PPP6C: variants seen among roughly 807,000 people sequenced by gnomAD.
PPP6C encodes the protein serine/threonine-protein phosphatase 6 catalytic subunit.
PPP6C carries 11 observed loss-of-function variants against 39.8 expected under a neutral mutation model. That is an observed-to-expected ratio of 0.28 (90% CI 0.17 to 0.46). The LOEUF (loss-of-function observed/expected upper bound fraction) is 0.46. Ranked by LOEUF, PPP6C falls within the 20% of genes least tolerant of loss-of-function variation. The probability of loss-of-function intolerance (pLI) is 1.00; values close to 1 mark genes in which losing one functional copy is unlikely to be tolerated. For synonymous variants in PPP6C, 129 were observed against 130.3 expected, an observed-to-expected ratio of 0.99 and a Z score of 0.07; for missense variants, 211 against 373.9, an observed-to-expected ratio of 0.56 and a Z score of 3.59.
rs1438946794 is a variant in PPP6C, at chr9:125,147,445, G to A, written c.*2228C>T. On this transcript the variant is annotated 3_prime_UTR_variant, in exon 7 of 7. Coordinates refer to ENST00000373547, the MANE Select transcript of PPP6C (RefSeq NM_002721.5). ...TAGTACATAGCCCTTATTTATTGGA[G>A]GGATCCAAAATATTCCTTGTAGGCT... 3 of 152,076 alleles carry A rather than the reference G, an allele frequency of 2.0e-5. No individual in the cohort carries two copies. The highest frequency in any genetic ancestry group is 7.2e-5 in the African/African-American group (3 of 41,388). The allele number at this position is 152,076 out of a possible 1,614,324, so 9.4% of individuals were successfully genotyped here. A position where few individuals can be genotyped will look rare whatever the true frequency, so the allele number is the denominator to read the frequency against.
chr9:125,186,938 CTTTTTTTTTT>C (rs1168730026), intron 1 of PPP6C, among the ~76,000 whole-genome samples: 2 of 83,666 alleles, frequency 2.4e-5, no homozygotes, highest in African/African-American at 5.0e-5. Context: ...ATTTTTCTTT[CTTTTTTTTTT>C]TTTTTTTTTT....
Position 125,149,829 on chromosome 9 carries a change from T to C in PPP6C, c.762A>G (p.Thr254=). Residue 254 remains threonine (T), a synonymous_variant, in exon 7 of 7, where the codon ACA becomes ACG. Transcript: ENST00000373547. Reference sequence around the variant, plus strand: ...AGCAGTAATTAGGAGCAGACCATACTGTCACCAGCTTCTCATCAAACATAA... The same window carrying C: ...AGCAGTAATTAGGAGCAGACCATACCGTCACCAGCTTCTCATCAAACATAA... ...YKFMFDEKLV[T]VWSAPNYCYR... is the part of the protein sequence containing the mutation. 1 of 1,614,244 alleles carries C rather than the reference T, an allele frequency of 6.2e-7. No individual in the cohort carries two copies. Among genetic ancestry groups the C allele is most frequent in the Non-Finnish European group, 8.5e-7 (1 of 1,180,046 alleles).
intron 6 of PPP6C, chr9:125,151,041 A>C (rs1835925245): frequency 7.3e-7 from 1 of 1,371,468 alleles, no homozygotes; most frequent in African/African-American, 1.4e-5. Flanking sequence ...ATGCTTCTCA[A>C]ATTCAGGGCT....
intron 2 of PPP6C, among the ~76,000 whole-genome samples, chr9:125,162,019 G>A (rs1275331254): frequency 6.6e-6 from 1 of 150,574 alleles, no homozygotes; most frequent in Admixed American, 6.6e-5. Flanking sequence ...AACTGAAAGT[G>A]AGATGTTAAC....
chr9:125,168,319 A>G (rs1193628450), intron 2 of PPP6C, among the ~76,000 whole-genome samples: 1 of 152,188 alleles, frequency 6.6e-6, no homozygotes, highest in African/African-American at 2.4e-5. Context: ...TAACATGTTT[A>G]TTCATACTCA....
chr9:125,150,928 A>G, intron 6 of PPP6C: 1 of 1,068,564 alleles, frequency 9.4e-7, no homozygotes, highest in Non-Finnish European at 1.5e-6. Flanking sequence ...TGCTTCCCTT[A>G]TGCCCAGCAG....
chr9:125,173,497 G>A lies in PPP6C; in HGVS notation c.76-2317C>T, dbSNP rs1829222875. Among the ~76,000 whole-genome samples the A allele has an allele frequency of 4.0e-5, 6 of 150,398 alleles. No homozygotes were observed. In the South Asian group the frequency reaches 1.3e-3, roughly 32 times the overall value. ...GGAGGATGAGGCAAGAGAATCGCTTGAACCCAGGAGACAGAGGTTGCCGAA... is the reference window on the plus strand; with the variant it reads ...GGAGGATGAGGCAAGAGAATCGCTTAAACCCAGGAGACAGAGGTTGCCGAA... On this transcript the variant is annotated intron_variant, in intron 1 of 6. Coordinates refer to ENST00000373547, the MANE Select transcript of PPP6C (RefSeq NM_002721.5).
At chr9:125,185,229 T>C (rs1829500786) in intron 1 of PPP6C, among the ~76,000 whole-genome samples, 1 of 151,902 alleles carries the variant, frequency 6.6e-6, no homozygotes, top group South Asian at 2.1e-4. Context: ...CTGTGGTCCA[T>C]TTACTTTCAC....
At chr9:125,173,197 G>C (rs1447236455) in intron 1 of PPP6C, among the ~76,000 whole-genome samples, 1 of 152,006 alleles carries the variant, frequency 6.6e-6, no homozygotes, top group Non-Finnish European at 1.5e-5. Flanking sequence ...TGGATCACAA[G>C]GTCAGGAGTT....
intron 1 of PPP6C, among the ~76,000 whole-genome samples, chr9:125,186,749 G>A (rs969269244): frequency 5.3e-5 from 8 of 150,514 alleles, no homozygotes; most frequent in Non-Finnish European, 8.8e-5. Flanking sequence ...CCATGTCCCC[G>A]CTCCCCCACC....
At chr9:125,165,795 C>CTTTTT (rs781221037) in intron 2 of PPP6C, among the ~76,000 whole-genome samples, 1,336 of 113,562 alleles carry the variant, frequency 0.012, 52 homozygotes, top group African/African-American at 0.032. Flanking sequence ...TAATCTTTTG[C>CTTTTT]TTTTTTTTTT....
chr9:125,171,001 G>T, intron 2 of PPP6C, 84 bp downstream of exon 2: 1 of 856,502 alleles, frequency 1.2e-6, no homozygotes, highest in Non-Finnish European at 1.7e-6. Flanking sequence ...TGATGTTGTT[G>T]TTGTTTTAAT....
Position 125,149,606 on chromosome 9 carries a change from A to C in PPP6C, c.*67T>G, listed in dbSNP as rs760217451. 7.9e-5 allele frequency: 121 copies of C among 1,529,112 alleles called. No homozygotes were observed. Among genetic ancestry groups the C allele is most frequent in the Admixed American group, 2.1e-4 (11 of 52,110 alleles). The allele number at this position is 1,529,112 out of a possible 1,614,324, so 94.7% of individuals were successfully genotyped here. On this transcript the variant is annotated 3_prime_UTR_variant, in exon 7 of 7. Transcript: ENST00000373547. The stretch of plus-strand genomic sequence containing the variant: ...GTGCTCAATAAAAAGTATATTGTAG[A>C]GGGTAATACAAGAAAATTGGGGTAA...
At position 125,189,631 on chromosome 9, in the gene PPP6C, A is replaced by C; in HGVS notation, c.75+13T>G. 1 of 1,612,830 alleles carries C rather than the reference A, an allele frequency of 6.2e-7. No individual in the cohort carries two copies. The highest frequency in any genetic ancestry group is 8.5e-7 in the Non-Finnish European group (1 of 1,179,584). ...CCACAGCCGGAAGGGGCGAGCCCGC[A>C]AATAGGGCTCACCTTCAGGTCGTTC... On this transcript the variant is annotated intron_variant, in intron 1 of 6. Coordinates refer to ENST00000373547, the MANE Select transcript of PPP6C (RefSeq NM_002721.5).
At position 125,175,468 on chromosome 9, in the gene PPP6C, C is replaced by T. The variant is rs181214493; in HGVS notation, c.76-4288G>A. Among the ~76,000 whole-genome samples, 2,780 of 151,566 alleles carry T rather than the reference C, an allele frequency of 0.018. 155 individuals are homozygous for T. In the East Asian group the frequency reaches 0.23, roughly 12 times the overall value. ...CCTGGCTAACACAGTGAAACCCCGT[C>T]TCTACTAAAAAAAAATACAAAAAAA... On this transcript the variant is annotated intron_variant, in intron 1 of 6. Transcript: ENST00000373547.
intron 4 of PPP6C, among the ~76,000 whole-genome samples, chr9:125,154,667 T>C (rs1243380374): frequency 6.6e-6 from 1 of 152,158 alleles, no homozygotes; most frequent in Non-Finnish European, 1.5e-5. Context: ...GCAGATAAAT[T>C]TATTTAAGGA....
intron 6 of PPP6C, among the ~76,000 whole-genome samples, chr9:125,150,385 CTTCA>C: frequency 6.6e-6 from 1 of 151,578 alleles, no homozygotes; most frequent in Admixed American, 6.6e-5. Context: ...AGTTTTTTGA[CTTCA>C]TTATGATGCT....
intron 1 of PPP6C, among the ~76,000 whole-genome samples, chr9:125,183,201 G>T (rs1395594697): frequency 6.6e-6 from 1 of 151,996 alleles, no homozygotes; most frequent in Non-Finnish European, 1.5e-5. Context: ...ACTTATCATT[G>T]CCTTATCTCA....
chr9:125,171,410 C>T (rs1829144692), intron 1 of PPP6C, among the ~76,000 whole-genome samples: 1 of 143,446 alleles, frequency 7.0e-6, no homozygotes. Context: ...AGACAGACAG[C>T]TTTACAAGAA....
Sources: gnomAD v4.1 joint callset for allele counts (sites outside exome capture counted in the v4.1 genomes callset) on GRCh38, gnomAD v4.1.1 for gene constraint, MANE v1.5 for transcripts, NCBI Gene and HGNC (gene_info 2026-07-23, HGNC 2026-07-21) for gene names.